STAB1: variants seen among roughly 807,000 people sequenced by gnomAD.
STAB1 encodes stabilin 1, also known as stabilin-1.
A neutral mutation model predicts 332.4 loss-of-function variants in STAB1; 250 were observed. The ratio of observed to expected loss-of-function variants is 0.75; its 90% CI spans 0.68 to 0.84. The LOEUF (loss-of-function observed/expected upper bound fraction) is 0.84. Among genes scored for constraint, STAB1 ranks in the 40% least tolerant of loss-of-function variants. STAB1 has a pLI of 0.00. For synonymous variants in STAB1, 1,475 were observed against 1,390.4 expected (o/e 1.06, Z -1.35); for missense variants, 3,249 against 3,489.7 (o/e 0.93, Z 1.74).
At chr3:52,499,681 CGAGGTCAGGAG>C (rs1708293913) in intron 1 of STAB1, among the ~76,000 whole-genome samples, 1 of 150,472 alleles carries the variant, frequency 6.6e-6, no homozygotes, top group Non-Finnish European at 1.5e-5. Context: ...GGGCGGATCA[CGAGGTCAGGAG>C]ATCGAGACCA....
chr3:52,514,081 A>G (rs1172760797), intron 32 of STAB1, 34 bp from the exon 33 acceptor site: 11 of 1,609,834 alleles, frequency 6.8e-6, no homozygotes, highest in Non-Finnish European at 7.6e-6. Context: ...CTGACAACTA[A>G]TATGCCCATC....
rs1559697797 is a variant in STAB1, at chr3:52,513,105, A to G, written c.3159-25A>G. The G allele has an allele frequency of 1.9e-6, 3 of 1,554,710 alleles. No homozygotes were observed. In the Admixed American group the frequency reaches 5.9e-5, roughly 30 times the overall value. ...TAAGTTACACTAACCTGATTCCATG[A>G]CCCCCCTAAACTGTGCCCTGTCAGG... On this transcript the variant is annotated intron_variant, in intron 29 of 68. Coordinates refer to ENST00000321725, the MANE Select transcript of STAB1 (RefSeq NM_015136.3).
intron 14 of STAB1, 81 bp from the exon 15 acceptor site, chr3:52,505,587 C>A: frequency 7.0e-7 from 1 of 1,427,244 alleles, no homozygotes; most frequent in South Asian, 1.3e-5. Flanking sequence ...TTCCTGCAGG[C>A]CAAAGGTGGC....
chr3:52,505,841 C>T (rs751617008), intron 15 of STAB1, 42 bp from the exon 16 acceptor site: 1 of 1,613,850 alleles, frequency 6.2e-7, no homozygotes, highest in African/African-American at 1.3e-5. Context: ...CACGCTCCCC[C>T]ACAGTTCCTC....
In STAB1 at chr3:52,516,125, G is replaced by A; in HGVS notation, c.4031G>A (p.Gly1344Glu). 1.9e-6 allele frequency: 3 copies of A among 1,612,032 alleles called. No homozygotes were observed. Among genetic ancestry groups the A allele is most frequent in the Non-Finnish European group, 2.5e-6 (3 of 1,179,650 alleles). The change falls in exon 38 of 69, where the codon GGG (glycine) becomes GAG (glutamate). Residue 1344 changes from glycine (G) to glutamate (E), a missense_variant. Coordinates refer to ENST00000321725, the MANE Select transcript of STAB1 (RefSeq NM_015136.3). ...GGLGGVCSGH[G>E]QCQDRFLGSG... Reference sequence around the variant, plus strand: ...CTAGGGGGGGTGTGCTCAGGCCATGGGCAGTGCCAGGACAGGTTCCTGGGC... The same window carrying A: ...CTAGGGGGGGTGTGCTCAGGCCATGAGCAGTGCCAGGACAGGTTCCTGGGC...
Position 52,503,107 on chromosome 3 carries a change from G to A in STAB1, c.692G>A (p.Arg231Gln), listed in dbSNP as rs370002856. The A allele has an allele frequency of 4.5e-5, 72 of 1,584,988 alleles. 1 individual carries two copies. The highest frequency in any genetic ancestry group is 6.7e-5 in the African/African-American group (5 of 74,364). Reference sequence around the variant, plus strand: ...TACACACAGCAGGGCAGTGAATGCCGAGGTGAGCCTGGACTCAGAGGCCAG... The same window carrying A: ...TACACACAGCAGGGCAGTGAATGCCAAGGTGAGCCTGGACTCAGAGGCCAG... ...PGYTQQGSEC[R>Q]APNPCWPSPC... is the part of the protein sequence containing the mutation. The change falls in exon 7 of 69, where the codon CGA (arginine) becomes CAA (glutamine). Residue 231 changes from arginine to glutamine, a missense_variant and splice_region_variant. Arg to Gln is a conservative substitution (Grantham distance 43, BLOSUM62 1). Coordinates refer to ENST00000321725, the MANE Select transcript of STAB1 (RefSeq NM_015136.3).
rs79939433 is a variant in STAB1 at position 52,507,443 on chromosome 3, C to T, written c.1990-170C>T. ...GTTTTCCAGAGACTCTAGCTCTGCC[C>T]GGCTCGGGGCCTCTGCCCCTGCTCT... On this transcript the variant is annotated intron_variant, in intron 18 of 68. Transcript: ENST00000321725. 1.7e-4 allele frequency among the ~76,000 whole-genome samples: 26 copies of T among 152,366 alleles called. 1 individual carries two copies. The East Asian group carries it at 4.1e-3, about 24-fold the overall frequency.
intron 25 of STAB1, 71 bp downstream of exon 25, chr3:52,510,578 G>T: frequency 6.5e-7 from 1 of 1,533,366 alleles, no homozygotes; most frequent in African/African-American, 1.4e-5. Flanking sequence ...TCTGACTCCT[G>T]GAATGCAGAG....
chr3:52,517,137 A>T, intron 42 of STAB1, 28 bp downstream of exon 42: 1 of 1,518,732 alleles, frequency 6.6e-7, no homozygotes, highest in Non-Finnish European at 8.8e-7. Flanking sequence ...ACCTGGGTTT[A>T]TGTTGGGCTA....
At position 52,504,565 on chromosome 3, in the gene STAB1, T is replaced by C. The variant is rs1708704630; in HGVS notation, c.1239+16T>C. 2 of 1,613,672 alleles carry C rather than the reference T, an allele frequency of 1.2e-6. No homozygotes were observed. The highest frequency in any genetic ancestry group is 2.7e-5 in the African/African-American group (2 of 75,046). On this transcript the variant is annotated intron_variant, in intron 11 of 68. Transcript: ENST00000321725. ...GACCATGAATGTAAGCCCCTCCCCA[T>C]GGTGGAGCTGGCCACTGGCCCTCAC...
rs1192579238 is a variant in STAB1, at chr3:52,510,076, G to C, written c.2534+20G>C. 5 of 1,612,720 alleles carry C rather than the reference G, an allele frequency of 3.1e-6. No homozygotes were observed. The highest frequency in any genetic ancestry group is 2.2e-5 in the East Asian group (1 of 44,890). On this transcript the variant is annotated intron_variant, in intron 23 of 68. Coordinates refer to ENST00000321725, the MANE Select transcript of STAB1 (RefSeq NM_015136.3). The stretch of plus-strand genomic sequence containing the variant: ...TGCCAGGTGAGGACCCACACCTTCT[G>C]TCTGCCCCACCCGTGACCTTTCATA...
rs771974510 is a variant in STAB1, at chr3:52,506,228, T to C, written c.1808T>C (p.Leu603Pro). The change falls in exon 17 of 69, where the codon CTG (leucine) becomes CCG (proline). Residue 603 changes from leucine (L) to proline (P), a missense_variant. Coordinates refer to ENST00000321725, the MANE Select transcript of STAB1 (RefSeq NM_015136.3). ...GRILTMANQV[L>P]AVNISEEGRI... ...ATCCTCACCATGGCGAACCAGGTCCTGGCTGTGAACATTTCTGAGGAGGTG... is the reference window on the plus strand; with the variant it reads ...ATCCTCACCATGGCGAACCAGGTCCCGGCTGTGAACATTTCTGAGGAGGTG... 16 of 1,612,840 alleles carry C rather than the reference T, an allele frequency of 9.9e-6. No homozygotes were observed. The highest frequency in any genetic ancestry group is 1.4e-5 in the Non-Finnish European group (16 of 1,179,626).
intron 1 of STAB1, among the ~76,000 whole-genome samples, chr3:52,499,743 C>T (rs1342469841): frequency 6.6e-6 from 1 of 151,176 alleles, no homozygotes; most frequent in Non-Finnish European, 1.5e-5. Context: ...ACTAAAAATA[C>T]AAAAAATTAG....
In STAB1 at chr3:52,495,479, C is replaced by T. The variant is rs375158513; in HGVS notation, c.66C>T (p.Phe22=). 3.7e-5 allele frequency: 49 copies of T among 1,339,174 alleles called. No homozygotes were observed. Among genetic ancestry groups the T allele is most frequent in the Non-Finnish European group, 4.3e-5 (45 of 1,037,716 alleles). The allele number at this position is 1,339,174 out of a possible 1,614,324, so 83.0% of individuals were successfully genotyped here. A position where few individuals can be genotyped will look rare whatever the true frequency, so the allele number is the denominator to read the frequency against. The change falls in exon 1 of 69, where the codon TTC becomes TTT. Residue 22 remains phenylalanine (F), a synonymous_variant. Coordinates refer to ENST00000321725, the MANE Select transcript of STAB1 (RefSeq NM_015136.3). ...CCTTCTGCCTGGCAGGCTTCAGCTT[C>T]GTCAGGGGGCAGGTAAGTGTGAGCC... ...LLAFCLAGFS[F]VRGQVLFKGC... is the part of the protein sequence containing the mutation.
rs759869080 is a variant in STAB1 at position 52,501,170 on chromosome 3, T to C, written c.83T>C (p.Leu28Pro). The change falls in exon 2 of 69, where the codon CTG (leucine) becomes CCG (proline). Residue 28 changes from leucine to proline, a missense_variant. Coordinates refer to ENST00000321725, the MANE Select transcript of STAB1 (RefSeq NM_015136.3). ...AGFSFVRGQV[L>P]FKGCDVKTTF... ...ACACCCTGCCTGTGGCCCCAGGTGCTGTTCAAAGGCTGTGATGTGAAAACC... is the reference window on the plus strand; with the variant it reads ...ACACCCTGCCTGTGGCCCCAGGTGCCGTTCAAAGGCTGTGATGTGAAAACC... 1.2e-6 allele frequency: 2 copies of C among 1,612,500 alleles called. No homozygotes were observed. The highest frequency in any genetic ancestry group is 1.7e-6 in the Non-Finnish European group (2 of 1,179,134).
intron 21 of STAB1, 56 bp downstream of exon 21, chr3:52,508,415 G>A (rs766908286): frequency 1.3e-5 from 20 of 1,579,390 alleles, no homozygotes; most frequent in Middle Eastern, 1.7e-4. Context: ...CTCCTTCACC[G>A]GTTGGCCAGT....
At position 52,511,755 on chromosome 3, in the gene STAB1, T is replaced by A. The variant is rs920792359; in HGVS notation, c.2883+10T>A. The A allele has an allele frequency of 1.3e-5, 21 of 1,567,280 alleles. No individual in the cohort carries two copies. The highest frequency in any genetic ancestry group is 1.8e-5 in the Non-Finnish European group (21 of 1,152,624). On this transcript the variant is annotated intron_variant, in intron 26 of 68. Coordinates refer to ENST00000321725, the MANE Select transcript of STAB1 (RefSeq NM_015136.3). ...CGGCTGCCACGGCCTGGTAAGGGGG[T>A]GCAAGGCTCAGAGCCCTGGGGAAGC...
chr3:52,517,224 C>T (rs1478380752), intron 42 of STAB1, 96 bp from the exon 43 acceptor site: 1 of 1,439,990 alleles, frequency 6.9e-7, no homozygotes, highest in Non-Finnish European at 9.3e-7. Context: ...ACTGGGGGCG[C>T]TGAGAGAGGA....
chr3:52,507,495 C>T, intron 18 of STAB1, 118 bp from the exon 19 acceptor site: 1 of 1,090,700 alleles, frequency 9.2e-7, no homozygotes, highest in South Asian at 1.5e-5. Flanking sequence ...CAGTGCTGGG[C>T]TTCCTGTGGT....
Sources: allele counts gnomAD v4.1 joint callset (sites outside exome capture counted in the v4.1 genomes callset), GRCh38; gene constraint gnomAD v4.1.1; transcripts MANE v1.5; gene names NCBI Gene and HGNC (gene_info 2026-07-23, HGNC 2026-07-21).